GTF3C5: variants seen among roughly 807,000 people sequenced by gnomAD.
GTF3C5 encodes the protein general transcription factor IIIC subunit 5, also known as general transcription factor 3C polypeptide 5.
Under a neutral mutation model 61.0 loss-of-function variants are expected in GTF3C5, and 47 were observed. The ratio of observed to expected loss-of-function variants is 0.77; its 90% CI spans 0.61 to 0.98. The LOEUF (loss-of-function observed/expected upper bound fraction) is 0.98, where lower values mean the gene tolerates loss of function less well. Ranked by LOEUF, GTF3C5 falls within the 50% of genes least tolerant of loss-of-function variation. The probability of loss-of-function intolerance (pLI) is 0.00; values close to 1 mark genes in which losing one functional copy is unlikely to be tolerated. For synonymous variants in GTF3C5, 295 were observed against 275.4 expected (o/e 1.07, Z -0.71); for missense variants, 659 against 703.3 (o/e 0.94, Z 0.71).
intron 4 of GTF3C5, among the ~76,000 whole-genome samples, chr9:133,051,516 T>A (rs1269475127): frequency 6.6e-6 from 1 of 152,220 alleles, no homozygotes; most frequent in Non-Finnish European, 1.5e-5. Context: ...TTTCCAGCAG[T>A]CACTGGGGCA....
At chr9:133,034,808 C>T (rs1235518583) in intron 1 of GTF3C5, among the ~76,000 whole-genome samples, 1 of 152,120 alleles carries the variant, frequency 6.6e-6, no homozygotes, top group Non-Finnish European at 1.5e-5. Flanking sequence ...GAGGAGAGAC[C>T]AAGTTTATAG....
At chr9:133,054,007 C>A in intron 6 of GTF3C5, 65 bp downstream of exon 6, 1 of 1,031,236 alleles carries the variant, frequency 9.7e-7, no homozygotes, top group Non-Finnish European at 1.5e-6. Context: ...TTCTAGCATT[C>A]TCTTTTGTAG....
At chr9:133,044,774 C>T (rs889714997) in intron 3 of GTF3C5, among the ~76,000 whole-genome samples, 1 of 152,130 alleles carries the variant, frequency 6.6e-6, no homozygotes, top group Non-Finnish European at 1.5e-5. Flanking sequence ...TGGACTGCGT[C>T]CCCTCCAGAA....
intron 3 of GTF3C5, 68 bp from the exon 4 acceptor site, chr9:133,050,715 G>C (rs1850344253): frequency 2.5e-6 from 3 of 1,188,462 alleles, no homozygotes; most frequent in Non-Finnish European, 2.4e-6. Flanking sequence ...CTCCCTGCCT[G>C]GTCTGGCCCA....
intron 1 of GTF3C5, 36 bp downstream of exon 1, chr9:133,031,200 C>T: frequency 4.0e-6 from 6 of 1,512,640 alleles, no homozygotes; most frequent in Non-Finnish European, 8.9e-7. Context: ...GGAATAAGAG[C>T]TCGGAGTCGC....
chr9:133,032,372 C>G (rs575846420), intron 1 of GTF3C5, among the ~76,000 whole-genome samples: 1 of 151,956 alleles, frequency 6.6e-6, no homozygotes, highest in Non-Finnish European at 1.5e-5. Flanking sequence ...ACGGGACGAG[C>G]GATTTCGGTG....
At chr9:133,041,522 CAT>C (rs964104301) in intron 1 of GTF3C5, among the ~76,000 whole-genome samples, 5 of 152,192 alleles carry the variant, frequency 3.3e-5, no homozygotes, top group African/African-American at 1.2e-4. Flanking sequence ...CCAGTGGACA[CAT>C]AACCCACGTG....
At chr9:133,052,645 C>T (rs1850421445) in intron 5 of GTF3C5, among the ~76,000 whole-genome samples, 1 of 151,966 alleles carries the variant, frequency 6.6e-6, no homozygotes, top group Admixed American at 6.6e-5. Flanking sequence ...TCCAAAGGTG[C>T]TGGTTGGAAA....
Position 133,043,852 on chromosome 9 carries a change from C to T in GTF3C5, c.498C>T (p.Leu166=), listed in dbSNP as rs1475964888. 4 of 1,614,130 alleles carry T rather than the reference C, an allele frequency of 2.5e-6. No individual in the cohort carries two copies. Among genetic ancestry groups the T allele is most frequent in the Admixed American group, 1.7e-5 (1 of 60,024 alleles). Residue 166 remains leucine (L), a synonymous_variant, in exon 3 of 11, where the codon CTC becomes CTT. Transcript: ENST00000372097. ...KEAFFHQELP[L]YIPPPIFSRL... is the part of the protein sequence containing the mutation. ...CCTTTTTCCACCAGGAGCTGCCGCT[C>T]TACATCCCCCCACCCATCTTCTCCC...
chr9:133,055,303 G>C (rs748944440), intron 8 of GTF3C5: 1 of 1,392,258 alleles, frequency 7.2e-7, no homozygotes, highest in South Asian at 1.2e-5. Context: ...CCACAGCCCT[G>C]GGGGAGGCCG....
chr9:133,042,352 C>T lies in GTF3C5; in HGVS notation c.373+46C>T, dbSNP rs189177503. On this transcript the variant is annotated intron_variant, in intron 2 of 10. Coordinates refer to ENST00000372097, the MANE Select transcript of GTF3C5 (RefSeq NM_012087.4). ...CAATGTCTGGTTATTTCAGGGCTGG[C>T]CATCCTAGCTGCCTGCAGGAGCTGT... is the stretch of plus-strand genomic sequence containing the variant. 2.8e-5 allele frequency: 36 copies of T among 1,285,402 alleles called. No individual in the cohort carries two copies. The African/African-American group carries it at 4.4e-4, about 16-fold the overall frequency. The allele number at this position is 1,285,402 out of a possible 1,614,324, so 79.6% of individuals were successfully genotyped here. A position where few individuals can be genotyped will look rare whatever the true frequency, so the allele number is the denominator to read the frequency against.
intron 1 of GTF3C5, 33 bp downstream of exon 1, chr9:133,031,197 G>C: frequency 1.3e-6 from 2 of 1,522,862 alleles, no homozygotes; most frequent in Non-Finnish European, 1.8e-6. Flanking sequence ...GTTGGAATAA[G>C]AGCTCGGAGT....
intron 1 of GTF3C5, 138 bp downstream of exon 1, chr9:133,031,302 C>A (rs1849726026): frequency 1.5e-6 from 1 of 681,916 alleles, no homozygotes; most frequent in Admixed American, 3.0e-5. Flanking sequence ...CTGGCCGCTG[C>A]AAGAGAGCCA....
At chr9:133,035,185 T>C (rs1849831931) in intron 1 of GTF3C5, among the ~76,000 whole-genome samples, 1 of 151,992 alleles carries the variant, frequency 6.6e-6, no homozygotes, top group Admixed American at 6.5e-5. Flanking sequence ...CTGGGTATAA[T>C]ATTCTCAATC....
rs1219964687 is a variant in GTF3C5 at position 133,031,143 on chromosome 9, C to T, written c.132C>T (p.Gly44=). 6.4e-7 allele frequency: 1 copy of T among 1,574,414 alleles called. No homozygotes were observed. Among genetic ancestry groups the T allele is most frequent in the Non-Finnish European group, 8.6e-7 (1 of 1,159,560 alleles). Residue 44 remains glycine, a synonymous_variant, in exon 1 of 11, where the codon GGC becomes GGT. Transcript: ENST00000372097. ...TGGCTAAGATGCTGCCGACTCTGGG[C>T]GGCGAGGAAGGCGTCTCCCGGGTAA... ...RDVAKMLPTL[G]GEEGVSRIYA... is the part of the protein sequence containing the mutation.
In GTF3C5 at chr9:133,031,184, G is replaced by T. The variant is rs1472649796; in HGVS notation, c.153+20G>T. The T allele has an allele frequency of 1.3e-6, 2 of 1,546,188 alleles. No individual in the cohort carries two copies. Among genetic ancestry groups the T allele is most frequent in the African/African-American group, 2.7e-5 (2 of 72,794 alleles). On this transcript the variant is annotated intron_variant, in intron 1 of 10. Coordinates refer to ENST00000372097, the MANE Select transcript of GTF3C5 (RefSeq NM_012087.4). ...TCCCGGGTAAGGGGCTGGGAATCTC[G>T]GTGTTGGAATAAGAGCTCGGAGTCG... is the stretch of plus-strand genomic sequence containing the variant.
At chr9:133,041,181 C>T (rs1031233407) in intron 1 of GTF3C5, among the ~76,000 whole-genome samples, 3 of 152,200 alleles carry the variant, frequency 2.0e-5, no homozygotes, top group Non-Finnish European at 4.4e-5. Flanking sequence ...GAAAAACACC[C>T]GCTACTTAGC....
chr9:133,051,028 C>A, intron 4 of GTF3C5, 50 bp downstream of exon 4: 1 of 1,414,518 alleles, frequency 7.1e-7, no homozygotes, highest in Non-Finnish European at 9.6e-7. Flanking sequence ...TCTCTGTTGG[C>A]TTCCCGTGTT....
intron 1 of GTF3C5, among the ~76,000 whole-genome samples, chr9:133,033,910 G>T (rs191508134): frequency 1.5e-4 from 23 of 152,278 alleles, no homozygotes; most frequent in African/African-American, 4.6e-4. Flanking sequence ...GACCGGAGGG[G>T]AACACTGGGC....
Sources: gnomAD v4.1 joint callset for allele counts (sites outside exome capture counted in the v4.1 genomes callset) on GRCh38, gnomAD v4.1.1 for gene constraint, MANE v1.5 for transcripts, NCBI Gene and HGNC (gene_info 2026-07-23, HGNC 2026-07-21) for gene names.